SLA: variants seen among roughly 807,000 people sequenced by gnomAD.
The protein encoded by SLA is src-like-adapter.
SLA carries 16 observed loss-of-function variants against 30.3 expected under a neutral mutation model. That is an observed-to-expected ratio of 0.53 (90% CI 0.36 to 0.80). The LOEUF is 0.80. Among genes scored for constraint, SLA ranks in the 30% least tolerant of loss-of-function variants. The pLI is 0.01. For missense variants in SLA, 310 were observed against 345.2 expected (o/e 0.90, Z 0.81); for synonymous variants, 143 against 137.8 (o/e 1.04, Z -0.26).
At chr8:133,096,267 G>A (rs143135039) in intron 1 of SLA, 41 of 1,614,166 alleles carry the variant, frequency 2.5e-5, no homozygotes, top group African/African-American at 1.5e-4. Flanking sequence ...CACTTCCTCC[G>A]TGAGCCTCCA....
intron 1 of SLA, among the ~76,000 whole-genome samples, chr8:133,081,590 A>AG (rs1401477296): frequency 1.3e-5 from 2 of 151,852 alleles, no homozygotes; most frequent in African/African-American, 2.4e-5. Flanking sequence ...AAGAAGAAGA[A>AG]AAAAAAAGTA....
At chr8:133,053,290 A>G (rs559234577) in intron 3 of SLA, among the ~76,000 whole-genome samples, 34 of 152,252 alleles carry the variant, frequency 2.2e-4, no homozygotes, top group Admixed American at 9.8e-4. Flanking sequence ...GGGAATGCCC[A>G]TCTGTCCCCA....
chr8:133,060,351 G>A, intron 2 of SLA, 151 bp from the exon 3 acceptor site: 1 of 1,545,262 alleles, frequency 6.5e-7, no homozygotes, highest in Non-Finnish European at 8.7e-7. Flanking sequence ...GATTGGTGAA[G>A]ATTGGTTACT....
intron 2 of SLA, among the ~76,000 whole-genome samples, chr8:133,069,325 C>T (rs566708426): frequency 4.5e-4 from 69 of 152,342 alleles, no homozygotes; most frequent in African/African-American, 1.5e-3. Flanking sequence ...TTTCACCTGA[C>T]ACAGCATTTG....
At chr8:133,045,387 C>CA (rs1839144101) in intron 6 of SLA, among the ~76,000 whole-genome samples, 2 of 65,868 alleles carry the variant, frequency 3.0e-5, no homozygotes, top group Non-Finnish European at 2.6e-5. Flanking sequence ...ATCCTCTTTG[C>CA]TTTTTTTTTT....
At chr8:133,060,864 C>A (rs1194470080) in intron 2 of SLA, among the ~76,000 whole-genome samples, 1 of 152,178 alleles carries the variant, frequency 6.6e-6, no homozygotes, top group East Asian at 1.9e-4. Flanking sequence ...TGTATGAGGT[C>A]ACATGGCAAG....
chr8:133,061,522 T>A (rs1234352670), intron 2 of SLA, among the ~76,000 whole-genome samples: 1 of 152,192 alleles, frequency 6.6e-6, no homozygotes, highest in Non-Finnish European at 1.5e-5. Context: ...GGGACATAGA[T>A]TATCAGAGAA....
intron 5 of SLA, 109 bp from the exon 6 acceptor site, chr8:133,048,042 A>G: frequency 1.6e-6 from 1 of 620,016 alleles, no homozygotes; most frequent in Non-Finnish European, 2.9e-6. Context: ...CCTCACCTCA[A>G]CCCACTGAGA....
chr8:133,074,223 C>T (rs1254161911), intron 2 of SLA, among the ~76,000 whole-genome samples: 1 of 152,094 alleles, frequency 6.6e-6, no homozygotes, highest in Non-Finnish European at 1.5e-5. Flanking sequence ...ATACACATAC[C>T]ACCTGCTCAG....
intron 1 of SLA, among the ~76,000 whole-genome samples, chr8:133,097,865 A>C (rs553836782): frequency 6.6e-6 from 1 of 152,304 alleles, no homozygotes; most frequent in Non-Finnish European, 1.5e-5. Flanking sequence ...TGAGGTTTGC[A>C]TGTGAAGTTG....
chr8:133,044,926 A>G, intron 7 of SLA, 58 bp downstream of exon 7: 1 of 1,578,246 alleles, frequency 6.3e-7, no homozygotes, highest in Non-Finnish European at 8.7e-7. Flanking sequence ...GGCGCCACAG[A>G]GCAATTAGCT....
At chr8:133,059,153 C>T (rs145491880) in intron 3 of SLA, 4 of 456,244 alleles carry the variant, frequency 8.8e-6, no homozygotes, top group African/African-American at 2.0e-5. Context: ...CCGCCCAGGG[C>T]GGTGCTGCAG....
intron 7 of SLA, among the ~76,000 whole-genome samples, chr8:133,044,017 C>T (rs1838818397): frequency 6.6e-6 from 1 of 152,194 alleles, no homozygotes; most frequent in Non-Finnish European, 1.5e-5. Context: ...CATGAACTAA[C>T]TCTGTGGATC....
rs762350526 is a variant in SLA, at chr8:133,038,495, T to G, written c.*29A>C. On this transcript the variant is annotated 3_prime_UTR_variant, in exon 9 of 9. Transcript: ENST00000338087. ...CAATAGTTGGAACTTCTGTTCCTTT[T>G]GGGCATGAACCATTGTGTCTGTTCT... 1 of 1,528,512 alleles carries G rather than the reference T, an allele frequency of 6.5e-7. No individual in the cohort carries two copies. The highest frequency in any genetic ancestry group is 1.4e-5 in the African/African-American group (1 of 73,224). The allele number at this position is 1,528,512 out of a possible 1,614,324, so 94.7% of individuals were successfully genotyped here. A position where few individuals can be genotyped will look rare whatever the true frequency, so the allele number is the denominator to read the frequency against.
intron 1 of SLA, among the ~76,000 whole-genome samples, chr8:133,101,363 C>T (rs1216195376): frequency 6.6e-6 from 1 of 152,186 alleles, no homozygotes; most frequent in Non-Finnish European, 1.5e-5. Context: ...CCACTCCCAA[C>T]CTGAATTTAG....
rs368645272 is a variant in SLA, at chr8:133,047,965, G to A, written c.249-32C>T. 6.0e-5 allele frequency: 82 copies of A among 1,373,818 alleles called. 1 individual carries two copies. Among genetic ancestry groups the A allele is most frequent in the Non-Finnish European group, 6.7e-5 (65 of 967,098 alleles). 85.1% of individuals were successfully genotyped at this position (1,373,818 alleles called of 1,614,324 possible). On this transcript the variant is annotated intron_variant, in intron 5 of 8. Transcript: ENST00000338087. ...AGGAGGAAGACAGCCATTAGGATCC[G>A]GAACAAGCCCTCCCCCAGGAAAGGC...
chr8:133,050,686 A>T, intron 4 of SLA, 130 bp downstream of exon 4: 1 of 654,614 alleles, frequency 1.5e-6, no homozygotes, highest in Non-Finnish European at 2.7e-6. Flanking sequence ...TATGGGTCAA[A>T]TTTCTCACCT....
At chr8:133,058,333 G>T (rs762790358) in intron 3 of SLA, among the ~76,000 whole-genome samples, 4 of 152,210 alleles carry the variant, frequency 2.6e-5, no homozygotes, top group African/African-American at 7.2e-5. Context: ...TCTTCACCAG[G>T]GGGTGGAGGG....
chr8:133,093,062 G>C (rs1192254217), intron 1 of SLA, among the ~76,000 whole-genome samples: 3 of 151,972 alleles, frequency 2.0e-5, no homozygotes, highest in Admixed American at 2.0e-4. Context: ...CCCTTCTGCT[G>C]TTTGCTATTC....
Sources: gnomAD v4.1 joint callset for allele counts (sites outside exome capture counted in the v4.1 genomes callset) on GRCh38, gnomAD v4.1.1 for gene constraint, MANE v1.5 for transcripts, NCBI Gene and HGNC (gene_info 2026-07-23, HGNC 2026-07-21) for gene names.